The following ADAMTS19 variants were observed in gnomAD, a reference collection of about 807,000 sequenced individuals.
ADAMTS19 encodes the protein ADAM metallopeptidase with thrombospondin type 1 motif 19.
Under a neutral mutation model 153.3 loss-of-function variants are expected in ADAMTS19, and 93 were observed. The observed-to-expected ratio is 0.61, with a 90% CI of 0.51 to 0.72. The LOEUF is 0.72. Ranked by LOEUF, ADAMTS19 falls within the 30% of genes least tolerant of loss-of-function variation. The pLI, the probability that ADAMTS19 is intolerant of heterozygous loss-of-function variation, is 0.00. For synonymous variants in ADAMTS19, 600 were observed against 556.6 expected, an observed-to-expected ratio of 1.08 and a Z score of -1.10; for missense variants, 1,482 against 1,552.1, an observed-to-expected ratio of 0.95 and a Z score of 0.76.
intron 15 of ADAMTS19, among the ~76,000 whole-genome samples, chr5:129,661,706 T>G (rs1372093199): frequency 6.6e-6 from 1 of 152,212 alleles, no homozygotes; most frequent in Non-Finnish European, 1.5e-5. Context: ...GTGATAAATT[T>G]TCAGAGGAAT....
At chr5:129,602,280 T>G (rs1750689246) in intron 8 of ADAMTS19, among the ~76,000 whole-genome samples, 1 of 152,066 alleles carries the variant, frequency 6.6e-6, no homozygotes, top group South Asian at 2.1e-4. Context: ...TTAGTAAAGA[T>G]AGGTTTCTCC....
chr5:129,679,141 T>C (rs1021473262), intron 16 of ADAMTS19, among the ~76,000 whole-genome samples: 1 of 152,224 alleles, frequency 6.6e-6, no homozygotes, highest in African/African-American at 2.4e-5. Flanking sequence ...TAAAATCCTA[T>C]ATAGATGATT....
chr5:129,496,168 A>G (rs1341428486), intron 2 of ADAMTS19, among the ~76,000 whole-genome samples: 2 of 152,064 alleles, frequency 1.3e-5, no homozygotes, highest in Non-Finnish European at 2.9e-5. Context: ...TAGAATGGGA[A>G]TTGGGGAGAA....
At chr5:129,634,941 G>A (rs1487074113) in intron 10 of ADAMTS19, among the ~76,000 whole-genome samples, 4 of 152,102 alleles carry the variant, frequency 2.6e-5, no homozygotes, top group African/African-American at 9.7e-5. Context: ...AAGAGCTTGT[G>A]CACAGCAAAA....
chr5:129,721,597 T>A (rs1180575956), intron 21 of ADAMTS19, among the ~76,000 whole-genome samples: 5 of 152,108 alleles, frequency 3.3e-5, no homozygotes, highest in Non-Finnish European at 7.3e-5. Flanking sequence ...CTTTTTTTTT[T>A]ATTTATTTTA....
At chr5:129,663,690 A>G (rs1753917375) in intron 15 of ADAMTS19, among the ~76,000 whole-genome samples, 1 of 152,134 alleles carries the variant, frequency 6.6e-6, no homozygotes, top group African/African-American at 2.4e-5. Flanking sequence ...GTTACCCACA[A>G]CTATATCCCT....
chr5:129,670,618 A>C (rs547095149), intron 16 of ADAMTS19, among the ~76,000 whole-genome samples: 81 of 152,230 alleles, frequency 5.3e-4, no homozygotes, highest in African/African-American at 1.9e-3. Context: ...ATTTTAAGTA[A>C]TTGTCGTCCA....
intron 2 of ADAMTS19, among the ~76,000 whole-genome samples, chr5:129,503,084 A>G (rs1243455544): frequency 2.0e-5 from 3 of 152,202 alleles, no homozygotes; most frequent in Non-Finnish European, 4.4e-5. Flanking sequence ...ACTAAAGGTT[A>G]TTTTGAAATG....
At chr5:129,499,805 T>C (rs1204961723) in intron 2 of ADAMTS19, among the ~76,000 whole-genome samples, 1 of 152,102 alleles carries the variant, frequency 6.6e-6, no homozygotes, top group Non-Finnish European at 1.5e-5. Context: ...TGCCCCTGGG[T>C]TTCTTTCTGA....
intron 7 of ADAMTS19, among the ~76,000 whole-genome samples, chr5:129,595,253 T>C (rs1393199533): frequency 6.6e-6 from 1 of 152,048 alleles, no homozygotes; most frequent in Non-Finnish European, 1.5e-5. Flanking sequence ...CCCTCCTGCA[T>C]TGCTTTTCCC....
At chr5:129,632,439 A>G (rs936588687) in intron 10 of ADAMTS19, among the ~76,000 whole-genome samples, 2 of 151,960 alleles carry the variant, frequency 1.3e-5, no homozygotes, top group African/African-American at 4.8e-5. Context: ...TATACATTGC[A>G]TGTATTTTAA....
At chr5:129,639,818 T>C (rs920084516) in intron 10 of ADAMTS19, among the ~76,000 whole-genome samples, 31 of 152,188 alleles carry the variant, frequency 2.0e-4, no homozygotes, top group African/African-American at 7.2e-4. Flanking sequence ...CCCATAATTA[T>C]CAAACATCCT....
At chr5:129,528,782 T>TC in intron 6 of ADAMTS19, 105 bp downstream of exon 6, 1 of 941,994 alleles carries the variant, frequency 1.1e-6, no homozygotes, top group Non-Finnish European at 1.5e-6. Context: ...ATTTCGTGTT[T>TC]CAAGAGTGAT....
intron 21 of ADAMTS19, among the ~76,000 whole-genome samples, chr5:129,708,913 T>C (rs1756307099): frequency 1.3e-5 from 2 of 152,130 alleles, no homozygotes; most frequent in South Asian, 4.1e-4. Flanking sequence ...AATGACATAA[T>C]CTAAAATAAT....
intron 16 of ADAMTS19, among the ~76,000 whole-genome samples, chr5:129,678,790 T>C (rs1754664211): frequency 6.6e-6 from 1 of 152,194 alleles, no homozygotes; most frequent in Non-Finnish European, 1.5e-5. Flanking sequence ...ATTTAAACAT[T>C]ATTTACAAGA....
chr5:129,616,322 CTTTCT>C (rs1176666815), intron 8 of ADAMTS19, among the ~76,000 whole-genome samples: 1 of 151,764 alleles, frequency 6.6e-6, no homozygotes, highest in Admixed American at 6.6e-5. Flanking sequence ...TAGTTTGTTT[CTTTCT>C]TTTATTAATG....
intron 3 of ADAMTS19, among the ~76,000 whole-genome samples, chr5:129,524,617 A>G (rs968732937): frequency 2.6e-5 from 4 of 152,082 alleles, no homozygotes; most frequent in East Asian, 3.9e-4. Flanking sequence ...CAAGAAAAAA[A>G]AAAAACATCA....
intron 21 of ADAMTS19, among the ~76,000 whole-genome samples, chr5:129,722,380 G>A (rs1400795537): frequency 1.3e-5 from 2 of 151,934 alleles, no homozygotes; most frequent in Non-Finnish European, 2.9e-5. Flanking sequence ...CATGTTTGTT[G>A]GCTGCATAAA....
chr5:129,640,353 A>C (rs772089115), intron 10 of ADAMTS19, among the ~76,000 whole-genome samples: 1 of 152,164 alleles, frequency 6.6e-6, no homozygotes, highest in Non-Finnish European at 1.5e-5. Flanking sequence ...CAACAAAGTA[A>C]GTATTAGGGT....
Sources: allele counts gnomAD v4.1 joint callset (sites outside exome capture counted in the v4.1 genomes callset), GRCh38; gene constraint gnomAD v4.1.1; transcripts MANE v1.5; gene names NCBI Gene and HGNC (gene_info 2026-07-23, HGNC 2026-07-21).